DHRSX: variants seen among roughly 807,000 people sequenced by gnomAD.
DHRSX encodes dehydrogenase/reductase X-linked.
Under a neutral mutation model 34.0 loss-of-function variants are expected in DHRSX, and 31 were observed. The ratio of observed to expected loss-of-function variants is 0.91; its 90% CI spans 0.69 to 1.23. The LOEUF (loss-of-function observed/expected upper bound fraction) is 1.23, where lower values mean the gene tolerates loss of function less well. DHRSX is among the 50% of genes most tolerant of loss of function. The probability of loss-of-function intolerance (pLI) is 0.00; values close to 1 mark genes in which losing one functional copy is unlikely to be tolerated. For missense variants in DHRSX, 414 were observed against 428.1 expected (o/e 0.97, Z 0.29); for synonymous variants, 201 against 183.8 (o/e 1.09, Z -0.76).
intron 3 of DHRSX, among the ~76,000 whole-genome samples, chrX:2,307,789 T>TAAAAAAAA (rs747096554): frequency 1.9e-5 from 2 of 103,696 alleles, no homozygotes; most frequent in Non-Finnish European, 2.2e-5. Flanking sequence ...GTAATAAAAA[T>TAAAAAAAA]AAAAAAAATA....
intron 3 of DHRSX, among the ~76,000 whole-genome samples, chrX:2,391,283 A>G (rs1171224327): frequency 6.6e-6 from 1 of 152,162 alleles, no homozygotes; most frequent in Non-Finnish European, 1.5e-5. Context: ...GGAGTCAGTG[A>G]AGTTCAATAA....
Position 2,221,182 on chromosome X carries a change from T to G in DHRSX, c.852A>C (p.Pro284=). 6.2e-7 allele frequency: 1 copy of G among 1,613,902 alleles called. No individual in the cohort carries two copies. Among genetic ancestry groups the G allele is most frequent in the Non-Finnish European group, 8.5e-7 (1 of 1,179,840 alleles). Residue 284 remains proline (P), a synonymous_variant, in exon 7 of 7, where the codon CCA becomes CCC. Coordinates refer to ENST00000334651, the MANE Select transcript of DHRSX (RefSeq NM_145177.3). ...AATGGCCACCAACTCCTTCCAGCTC[T>G]GGGGTGACTGCTGCGTAGATGGAAG... ...AWTSIYAAVT[P]ELEGVGGHYL...
At position 2,370,590 on chromosome X, in the gene DHRSX, G is replaced by GAAAAAAA. The variant is rs59435030; in HGVS notation, c.286+38148_286+38154dup. Among the ~76,000 whole-genome samples, 175 of 132,674 alleles carry GAAAAAAA rather than the reference G, an allele frequency of 1.3e-3. 1 individual carries two copies. Among genetic ancestry groups the GAAAAAAA allele is most frequent in the African/African-American group, 5.1e-3 (169 of 33,272 alleles). The allele number at this position is 132,674 out of a possible 152,430, so 87.0% of individuals were successfully genotyped here. ...TTGTCTTCCAGAAAATGGTTTTACT[G>GAAAAAAA]AAAAAAAAAAAAAAAAAATTCCCTT... On this transcript the variant is annotated intron_variant, in intron 3 of 6. Coordinates refer to ENST00000334651, the MANE Select transcript of DHRSX (RefSeq NM_145177.3).
intron 3 of DHRSX, among the ~76,000 whole-genome samples, chrX:2,393,883 C>T (rs1044722870): frequency 4.1e-5 from 5 of 122,032 alleles, no homozygotes; most frequent in African/African-American, 1.2e-4. Flanking sequence ...CACACAACAC[C>T]CAGGGACCTC....
chrX:2,274,585 C>CTTTTTT (rs35716727), intron 4 of DHRSX, among the ~76,000 whole-genome samples: 1 of 129,138 alleles, frequency 7.7e-6, no homozygotes, highest in Non-Finnish European at 1.7e-5. Context: ...CCCGGCTAAA[C>CTTTTTT]TTTTTTTTTT....
chrX:2,418,236 A>G (rs2043720620), intron 2 of DHRSX, among the ~76,000 whole-genome samples: 1 of 152,194 alleles, frequency 6.6e-6, no homozygotes, highest in Non-Finnish European at 1.5e-5. Context: ...ACCAGTCATC[A>G]TGATCTAATC....
At chrX:2,426,113 C>T (rs1359556160) in intron 1 of DHRSX, among the ~76,000 whole-genome samples, 1 of 152,056 alleles carries the variant, frequency 6.6e-6, no homozygotes, top group African/African-American at 2.4e-5. Context: ...TCTTCACCAC[C>T]TCTGGGGATT....
intron 1 of DHRSX, among the ~76,000 whole-genome samples, chrX:2,465,351 C>T (rs1336943288): frequency 6.6e-6 from 1 of 152,116 alleles, no homozygotes; most frequent in Non-Finnish European, 1.5e-5. Flanking sequence ...GATCTAATCG[C>T]TTTCTAAATA....
chrX:2,408,849 G>T, intron 2 of DHRSX, 36 bp from the exon 3 acceptor site: 2 of 1,533,320 alleles, frequency 1.3e-6, no homozygotes, highest in Non-Finnish European at 1.8e-6. Flanking sequence ...ACGGTGACTT[G>T]TAGGATTATC....
chrX:2,378,912 T>A (rs1292931496), intron 3 of DHRSX, among the ~76,000 whole-genome samples: 3 of 152,196 alleles, frequency 2.0e-5, no homozygotes, highest in Admixed American at 1.3e-4. Context: ...CCTCAGGTGA[T>A]TCGCCTGCCT....
chrX:2,285,004 G>A (rs1220723655), intron 4 of DHRSX, among the ~76,000 whole-genome samples: 1 of 152,158 alleles, frequency 6.6e-6, no homozygotes, highest in Admixed American at 6.5e-5. Flanking sequence ...CTTGAGGCAC[G>A]TGGTTGACTA....
chrX:2,389,850 G>A (rs1269813309), intron 3 of DHRSX, among the ~76,000 whole-genome samples: 11 of 152,054 alleles, frequency 7.2e-5, no homozygotes, highest in Admixed American at 5.9e-4. Context: ...GCATGAGCTC[G>A]GCTCACTGCG....
chrX:2,427,304 AG>A (rs1157229748), intron 1 of DHRSX, among the ~76,000 whole-genome samples: 1 of 152,190 alleles, frequency 6.6e-6, no homozygotes, highest in Non-Finnish European at 1.5e-5. Flanking sequence ...AAGAAGGAGT[AG>A]GGGCACCCCA....
At chrX:2,434,236 A>G (rs2043965088) in intron 1 of DHRSX, among the ~76,000 whole-genome samples, 1 of 152,246 alleles carries the variant, frequency 6.6e-6, no homozygotes. Context: ...GCTTTCATCA[A>G]TCACATGGAA....
intron 6 of DHRSX, among the ~76,000 whole-genome samples, chrX:2,231,141 C>G (rs1441271456): frequency 6.6e-6 from 1 of 152,134 alleles, no homozygotes; most frequent in Non-Finnish European, 1.5e-5. Flanking sequence ...AGTTTCCCAT[C>G]CAAAGAGGAC....
chrX:2,391,502 G>T (rs1366492146), intron 3 of DHRSX, among the ~76,000 whole-genome samples: 1 of 152,112 alleles, frequency 6.6e-6, no homozygotes, highest in Non-Finnish European at 1.5e-5. Flanking sequence ...GGCAGGCAGG[G>T]GACTGGGGGA....
At chrX:2,267,033 G>T in intron 4 of DHRSX, 86 bp from the exon 5 acceptor site, 1 of 1,387,566 alleles carries the variant, frequency 7.2e-7, no homozygotes, top group Non-Finnish European at 1.0e-6. Context: ...TGCGCAAATG[G>T]CCCAGGACAT....
intron 4 of DHRSX, 122 bp from the exon 5 acceptor site, chrX:2,267,069 G>T: frequency 1.1e-6 from 1 of 950,062 alleles, no homozygotes; most frequent in Non-Finnish European, 1.7e-6. Flanking sequence ...AGAGCTGGCG[G>T]CCATGTCTTC....
At chrX:2,340,439 CGTCT>C (rs1424899353) in intron 3 of DHRSX, among the ~76,000 whole-genome samples, 4 of 149,570 alleles carry the variant, frequency 2.7e-5, no homozygotes, top group Non-Finnish European at 5.9e-5. Context: ...TGTGTGTGTG[CGTCT>C]GTCTGTGTGT....
Sources: allele counts gnomAD v4.1 joint callset (sites outside exome capture counted in the v4.1 genomes callset), GRCh38; gene constraint gnomAD v4.1.1; transcripts MANE v1.5; gene names NCBI Gene and HGNC (gene_info 2026-07-23, HGNC 2026-07-21).